The following CCDC39 variants were observed in gnomAD, a reference collection of about 807,000 sequenced individuals.
The protein encoded by CCDC39 is coiled-coil domain-containing protein 39.
CCDC39 carries 113 observed loss-of-function variants against 121.0 expected under a neutral mutation model. That is an observed-to-expected ratio of 0.93 (90% CI 0.80 to 1.09). CCDC39 has a LOEUF of 1.09. CCDC39 is among the 50% of genes least tolerant of loss of function. The pLI is 0.00. For missense variants in CCDC39, 1,063 were observed against 1,074.7 expected (o/e 0.99, Z 0.15); for synonymous variants, 349 against 352.2 (o/e 0.99, Z 0.10).
chr3:180,635,160 A>G (rs1256681949), intron 13 of CCDC39, among the ~76,000 whole-genome samples: 1 of 152,096 alleles, frequency 6.6e-6, no homozygotes, highest in Non-Finnish European at 1.5e-5. Context: ...AAACCATCAG[A>G]TCTCATGAGA....
intron 1 of CCDC39, among the ~76,000 whole-genome samples, chr3:180,674,290 G>A (rs549454086): frequency 6.6e-6 from 1 of 152,036 alleles, no homozygotes; most frequent in African/African-American, 2.4e-5. Context: ...GTCTGTTATT[G>A]GTGTATAAGA....
intron 10 of CCDC39, 70 bp from the exon 11 acceptor site, chr3:180,647,313 G>A: frequency 7.5e-7 from 1 of 1,330,888 alleles, no homozygotes; most frequent in Non-Finnish European, 1.0e-6. Context: ...TAAAAACAAA[G>A]TGAATACTTT....
Position 180,679,318 on chromosome 3 carries a change from G to T in CCDC39, c.63C>A (p.Asn21Lys), listed in dbSNP as rs775366536. ...WEDGFAIPVANEENKLLEDQL... is the reference protein window; with the variant it reads ...WEDGFAIPVAKEENKLLEDQL... ...GATCTTCCAGTAGCTTGTTCTCCTC[G>T]TTCGCCACCGGGATGGCGAACCCAT... The change falls in exon 1 of 20, where the codon AAC (asparagine) becomes AAA (lysine). Residue 21 changes from asparagine (N) to lysine (K), a missense_variant. Physicochemically the swap from Asn to Lys is moderately conservative, Grantham distance 94. Transcript: ENST00000476379. This position sits in a 1 kb window ranked among gnomAD's most constrained non-coding sequence, Gnocchi z 4.0. The T allele has an allele frequency of 2.4e-5, 39 of 1,613,696 alleles. No individual in the cohort carries two copies. In the South Asian group the frequency reaches 4.3e-4, roughly 18 times the overall value.
intron 1 of CCDC39, among the ~76,000 whole-genome samples, chr3:180,677,462 G>A (rs1196710500): frequency 6.6e-6 from 1 of 151,334 alleles, no homozygotes; most frequent in East Asian, 1.9e-4. Flanking sequence ...TTTTAATAGG[G>A]GAAAAGGAGG....
chr3:180,615,096 T>C lies in CCDC39; in HGVS notation c.2670-19A>G. 6.6e-7 allele frequency: 1 copy of C among 1,505,074 alleles called. No homozygotes were observed. Among genetic ancestry groups the C allele is most frequent in the East Asian group, 2.5e-5 (1 of 40,714 alleles). The allele number at this position is 1,505,074 out of a possible 1,614,324, so 93.2% of individuals were successfully genotyped here. ...AGATGACCTAGAAGAAAAACCAGAA[T>C]TATAAATTCAATGCAAAGTTTATAT... On this transcript the variant is annotated intron_variant, in intron 19 of 19. Transcript: ENST00000476379.
intron 16 of CCDC39, among the ~76,000 whole-genome samples, chr3:180,618,405 G>A (rs1023836255): frequency 2.5e-4 from 38 of 151,748 alleles, no homozygotes; most frequent in African/African-American, 9.2e-4. Context: ...TGCTTACAAG[G>A]CACTTTTTTT....
intron 14 of CCDC39, among the ~76,000 whole-genome samples, chr3:180,621,069 T>C (rs1027813380): frequency 2.0e-5 from 3 of 152,086 alleles, no homozygotes; most frequent in African/African-American, 7.2e-5. Context: ...CCTCCAGTTA[T>C]ATCTTGTTGC....
chr3:180,641,225 A>G (rs1717946017), intron 13 of CCDC39, among the ~76,000 whole-genome samples: 1 of 152,130 alleles, frequency 6.6e-6, no homozygotes, highest in Non-Finnish European at 1.5e-5. Flanking sequence ...TCCATTCTTG[A>G]TTAAACAAAA....
At position 180,660,659 on chromosome 3, in the gene CCDC39, A is replaced by G. The variant is rs1270914513; in HGVS notation, c.427T>C (p.Leu143=). Residue 143 remains leucine, a synonymous_variant, in exon 4 of 20, where the codon TTG becomes CTG. Coordinates refer to ENST00000476379, the MANE Select transcript of CCDC39 (RefSeq NM_181426.2). The part of the protein sequence containing the change: ...KCQMNWDQQA[L]EAWLEESAHK... Reference sequence around the variant, plus strand: ...GCTGATTCTTCTAACCAGGCCTCCAATGCTTGCTGGTCCCAGTTCATTTGA... The same window carrying G: ...GCTGATTCTTCTAACCAGGCCTCCAGTGCTTGCTGGTCCCAGTTCATTTGA... 1.9e-6 allele frequency: 3 copies of G among 1,603,594 alleles called. No homozygotes were observed. The highest frequency in any genetic ancestry group is 1.1e-5 in the South Asian group (1 of 89,078).
At position 180,679,389 on chromosome 3, in the gene CCDC39, A is replaced by G. The variant is rs371004167; in HGVS notation, c.-9T>C. The G allele has an allele frequency of 1.2e-4, 193 of 1,612,104 alleles. No individual in the cohort carries two copies. Among genetic ancestry groups the G allele is most frequent in the Non-Finnish European group, 1.5e-4 (173 of 1,178,402 alleles). On this transcript the variant is annotated 5_prime_UTR_variant, in exon 1 of 20. Transcript: ENST00000476379. This position sits in a 1 kb window ranked among gnomAD's most constrained non-coding sequence, Gnocchi z 4.0. ...AGGAATTCGCTACTCATGACTGCAAACGGATAGAGAAGATACAGAGCAAAG... is the reference window on the plus strand; with the variant it reads ...AGGAATTCGCTACTCATGACTGCAAGCGGATAGAGAAGATACAGAGCAAAG...
chr3:180,616,360 C>A lies in CCDC39; in HGVS notation c.2590G>T (p.Gly864Trp). The A allele has an allele frequency of 6.2e-7, 1 of 1,610,642 alleles. No homozygotes were observed. Among genetic ancestry groups the A allele is most frequent in the Non-Finnish European group, 8.5e-7 (1 of 1,177,458 alleles). Residue 864 changes from glycine to tryptophan, a missense_variant, in exon 19 of 20, where the codon GGG becomes TGG. Gly to Trp is a radical substitution (Grantham distance 184). Transcript: ENST00000476379. ...IILQTYFQQS[G>W]LELPTASTKG... ...GTGCTAGCTGTAGGTAGTTCTAACC[C>A]ACTCTGGAGGAATATTCAATAGCAA...
chr3:180,647,248 TAC>T lies in CCDC39; in HGVS notation c.1363-7_1363-6del, dbSNP rs764514126. 68 of 1,550,156 alleles carry T rather than the reference TAC, an allele frequency of 4.4e-5. No individual in the cohort carries two copies. The highest frequency in any genetic ancestry group is 5.9e-5 in the Non-Finnish European group (68 of 1,153,008). ...CACTTGTTGAATGTGAAAATCCTGTTACAGTTTAAAAAAAAAAAGGTATTACA... is the reference window on the plus strand; with the variant it reads ...CACTTGTTGAATGTGAAAATCCTGTTAGTTTAAAAAAAAAAAGGTATTACA... On this transcript the variant is annotated splice_polypyrimidine_tract_variant and splice_region_variant and intron_variant, in intron 10 of 19. Coordinates refer to ENST00000476379, the MANE Select transcript of CCDC39 (RefSeq NM_181426.2).
At position 180,677,152 on chromosome 3, in the gene CCDC39, AATAATAATAATAATTTTATATATATAT is replaced by A. The variant is rs1260582245; in HGVS notation, c.90+2112_90+2138del. Among the ~76,000 whole-genome samples, 122 of 115,010 alleles carry A rather than the reference AATAATAATAATAATTTTATATATATAT, an allele frequency of 1.1e-3. 1 individual carries two copies. The highest frequency in any genetic ancestry group is 4.0e-3 in the African/African-American group (118 of 29,540). 75.5% of individuals were successfully genotyped at this position (115,010 alleles called of 152,430 possible). A position where few individuals can be genotyped will look rare whatever the true frequency, so the allele number is the denominator to read the frequency against. On this transcript the variant is annotated intron_variant, in intron 1 of 19. Coordinates refer to ENST00000476379, the MANE Select transcript of CCDC39 (RefSeq NM_181426.2). ...CTAAAACTTAAAGTATTATAATAAT[AATAATAATAATAATTTTATATATATAT>A]ATATATATATATATATATATATATA...
intron 3 of CCDC39, 35 bp downstream of exon 3, chr3:180,661,826 T>G: frequency 6.5e-7 from 1 of 1,539,548 alleles, no homozygotes; most frequent in Non-Finnish European, 8.8e-7. Flanking sequence ...GAATGAGCAG[T>G]AGCACAGAAT....
intron 13 of CCDC39, among the ~76,000 whole-genome samples, chr3:180,633,026 A>T (rs1717736574): frequency 6.6e-6 from 1 of 152,252 alleles, no homozygotes. Flanking sequence ...AGTTCTACTT[A>T]GGAATGAGAT....
intron 1 of CCDC39, among the ~76,000 whole-genome samples, chr3:180,668,016 G>A (rs959187108): frequency 6.6e-6 from 1 of 152,114 alleles, no homozygotes. Flanking sequence ...GCGAAGGCAG[G>A]TTTCTATAAG....
At chr3:180,669,127 T>C (rs1711964413) in intron 1 of CCDC39, among the ~76,000 whole-genome samples, 1 of 152,214 alleles carries the variant, frequency 6.6e-6, no homozygotes, top group African/African-American at 2.4e-5. Context: ...TCTCTCTCCT[T>C]TGATTTGAAA....
Position 180,616,504 on chromosome 3 carries a change from G to C in CCDC39, c.2586+12C>G, listed in dbSNP as rs938853102. 1.3e-6 allele frequency: 2 copies of C among 1,521,572 alleles called. No homozygotes were observed. Among genetic ancestry groups the C allele is most frequent in the African/African-American group, 2.8e-5 (2 of 71,544 alleles). 94.3% of individuals were successfully genotyped at this position (1,521,572 alleles called of 1,614,324 possible). ...GTTTTTAAGAAATATTTAATAGAAG[G>C]TGCTGTATTACCTGTTGAAAGTATG... On this transcript the variant is annotated intron_variant, in intron 18 of 19. Transcript: ENST00000476379.
chr3:180,642,705 A>G (rs1257879633), intron 12 of CCDC39, among the ~76,000 whole-genome samples: 1 of 152,166 alleles, frequency 6.6e-6, no homozygotes, highest in Non-Finnish European at 1.5e-5. Context: ...TGGAGAGATT[A>G]GATACTTACA....
Sources: allele counts gnomAD v4.1 joint callset (sites outside exome capture counted in the v4.1 genomes callset), GRCh38; gene constraint gnomAD v4.1.1; non-coding constraint Gnocchi (gnomAD v3.1); transcripts MANE v1.5; gene names NCBI Gene and HGNC (gene_info 2026-07-23, HGNC 2026-07-21).